Variants in RASGRF1 observed in about 807,000 individuals in gnomAD.
RASGRF1 encodes the protein Ras protein specific guanine nucleotide releasing factor 1.
Under a neutral mutation model 138.7 loss-of-function variants are expected in RASGRF1, and 40 were observed. The observed-to-expected ratio is 0.29, with a 90% CI of 0.22 to 0.38. RASGRF1 has a LOEUF of 0.38. RASGRF1 is among the 10% of genes least tolerant of loss of function. The pLI is 1.00. For synonymous variants in RASGRF1, 614 were observed against 663.2 expected, an observed-to-expected ratio of 0.93 and a Z score of 1.14; for missense variants, 1,108 against 1,650.4, an observed-to-expected ratio of 0.67 and a Z score of 5.69.
At chr15:78,972,261 A>C (rs2055776668) in intron 25 of RASGRF1, among the ~76,000 whole-genome samples, 1 of 151,658 alleles carries the variant, frequency 6.6e-6, no homozygotes, top group Admixed American at 6.6e-5. Flanking sequence ...ACGCCCGGCT[A>C]ATTTTTGTAT....
At chr15:78,982,850 C>T (rs767840877) in intron 23 of RASGRF1, among the ~76,000 whole-genome samples, 8 of 151,940 alleles carry the variant, frequency 5.3e-5, no homozygotes, top group East Asian at 3.9e-4. Flanking sequence ...ATTGTACTGT[C>T]GTATGGAAGA....
intron 5 of RASGRF1, among the ~76,000 whole-genome samples, chr15:79,040,019 C>T (rs760383728): frequency 8.5e-5 from 13 of 152,116 alleles, no homozygotes; most frequent in Non-Finnish European, 1.8e-4. Flanking sequence ...CCTTCTGCCT[C>T]GAAAGTGCAG....
At position 79,027,276 on chromosome 15, in the gene RASGRF1, G is replaced by C. The variant is rs528221169; in HGVS notation, c.1381+465C>G. On this transcript the variant is annotated intron_variant, in intron 9 of 26. Transcript: ENST00000558480. This position sits in a 1 kb window ranked among gnomAD's most constrained non-coding sequence, Gnocchi z 4.8. Reference sequence around the variant, plus strand: ...CTTGGGAAAGACCTTCTACCCATGAGAACCACTGTGAAAATGGTCTCTCCA... The same window carrying C: ...CTTGGGAAAGACCTTCTACCCATGACAACCACTGTGAAAATGGTCTCTCCA... 1.3e-5 allele frequency among the ~76,000 whole-genome samples: 2 copies of C among 152,204 alleles called. No individual in the cohort carries two copies. The highest frequency in any genetic ancestry group is 4.2e-4 in the South Asian group (2 of 4,816).
At chr15:79,081,047 A>C (rs2057907747) in intron 1 of RASGRF1, among the ~76,000 whole-genome samples, 1 of 152,256 alleles carries the variant, frequency 6.6e-6, no homozygotes, top group African/African-American at 2.4e-5. Context: ...ATCGTGAAAA[A>C]GACTTTGTAA....
intron 3 of RASGRF1, among the ~76,000 whole-genome samples, chr15:79,054,897 G>A (rs143516152): frequency 3.9e-4 from 59 of 152,334 alleles, no homozygotes; most frequent in African/African-American, 1.3e-3. Flanking sequence ...GAGGTGGCCA[G>A]GGAAACCCCT....
At chr15:79,012,396 T>C in intron 13 of RASGRF1, 2 of 938,992 alleles carry the variant, frequency 2.1e-6, no homozygotes, top group Non-Finnish European at 1.7e-6. Flanking sequence ...ACAGATTCCA[T>C]TTTACAGCAT....
chr15:78,996,967 C>T (rs2056407622), intron 19 of RASGRF1, among the ~76,000 whole-genome samples: 1 of 152,180 alleles, frequency 6.6e-6, no homozygotes, highest in African/African-American at 2.4e-5. Context: ...GGCCAGGGCC[C>T]AAGCCCTCAC....
At chr15:79,047,103 A>G in intron 4 of RASGRF1, 104 bp from the exon 5 acceptor site, 1 of 1,410,022 alleles carries the variant, frequency 7.1e-7, no homozygotes, top group South Asian at 1.3e-5. Flanking sequence ...AGGCTTTGTT[A>G]TTCCTACGCC....
At chr15:79,049,402 G>A in intron 4 of RASGRF1, 94 bp downstream of exon 4, 2 of 1,185,482 alleles carry the variant, frequency 1.7e-6, no homozygotes, top group Non-Finnish European at 2.5e-6. Flanking sequence ...CACGCTCTGA[G>A]GACAGTGGGG....
chr15:79,005,204 G>A, intron 14 of RASGRF1: 1 of 985,532 alleles, frequency 1.0e-6, no homozygotes, highest in Non-Finnish European at 1.2e-6. Flanking sequence ...GGTGGGGGCA[G>A]GAGGAGGGAA....
At chr15:79,036,030 A>C (rs534547157) in intron 5 of RASGRF1, among the ~76,000 whole-genome samples, 1 of 151,968 alleles carries the variant, frequency 6.6e-6, no homozygotes, top group South Asian at 2.1e-4. Context: ...CTTCCCCCCA[A>C]CCCGTTTTCC....
rs897109056 is a variant in RASGRF1, at chr15:79,004,146, T to C, written c.2105A>G (p.Gln702Arg). The C allele has an allele frequency of 1.3e-6, 2 of 1,594,766 alleles. No homozygotes were observed. Among genetic ancestry groups the C allele is most frequent in the African/African-American group, 2.7e-5 (2 of 74,414 alleles). Residue 702 changes from glutamine (Q) to arginine (R), a missense_variant, in exon 15 of 27, where the codon CAG becomes CGG. Transcript: ENST00000558480. Reference sequence around the variant, plus strand: ...TTCACCGTACAGGAGCTTATTGTTCTGGCCACTGGCAAACAGGAGCTCCAG... The same window carrying C: ...TTCACCGTACAGGAGCTTATTGTTCCGGCCACTGGCAAACAGGAGCTCCAG... ...RSLELLFASG[Q>R]NNKLLYGEPP...
Position 79,027,666 on chromosome 15 carries a change from C to T in RASGRF1, c.1381+75G>A. On this transcript the variant is annotated intron_variant, in intron 9 of 26. Coordinates refer to ENST00000558480, the MANE Select transcript of RASGRF1 (RefSeq NM_001145648.3). This position sits in a 1 kb window ranked among gnomAD's most constrained non-coding sequence, Gnocchi z 4.8. Reference sequence around the variant, plus strand: ...TGGCAGCCAAACCAACTGGTGGCGTCCCCGAGTGCCGCCTCCCTCCCGCTG... The same window carrying T: ...TGGCAGCCAAACCAACTGGTGGCGTTCCCGAGTGCCGCCTCCCTCCCGCTG... 2.2e-6 allele frequency: 3 copies of T among 1,381,054 alleles called. No homozygotes were observed. The highest frequency in any genetic ancestry group is 1.8e-5 in the Admixed American group (1 of 55,602). The allele number at this position is 1,381,054 out of a possible 1,614,324, so 85.5% of individuals were successfully genotyped here. A position where few individuals can be genotyped will look rare whatever the true frequency, so the allele number is the denominator to read the frequency against.
intron 13 of RASGRF1, among the ~76,000 whole-genome samples, chr15:79,010,949 C>A (rs2056784091): frequency 6.6e-6 from 1 of 152,220 alleles, no homozygotes; most frequent in Non-Finnish European, 1.5e-5. Context: ...GGGGCGTATA[C>A]CTTTGTCTTG....
rs7170672 is a variant in RASGRF1, at chr15:78,991,659, G to C, written c.3131+32C>G. 2,559 of 1,550,450 alleles carry C rather than the reference G, an allele frequency of 1.7e-3. 40 individuals are homozygous for C. The African/African-American group carries it at 0.029, about 17-fold the overall frequency. ...TGTCCAAGACAGTGCCTGAGGAAGC[G>C]GGGGGAGGCGGGTGGTGCCTGCAAC... On this transcript the variant is annotated intron_variant, in intron 21 of 26. Transcript: ENST00000558480.
At chr15:78,992,341 C>T (rs1305686971) in intron 20 of RASGRF1, among the ~76,000 whole-genome samples, 2 of 152,262 alleles carry the variant, frequency 1.3e-5, no homozygotes, top group Non-Finnish European at 2.9e-5. Context: ...GTCCGTGTCC[C>T]TGGCCCCCAG....
Position 79,032,254 on chromosome 15 carries a change from G to A in RASGRF1, c.1021C>T (p.Gln341Ter). ...NIYQEFVRNH[Q>*]YSLQILAHCK... The stretch of plus-strand genomic sequence containing the variant: ...TGGGCCAGGATCTGCAGGCTGTACT[G>A]GTGGTTGCGGACGAACTCTTGGTAG... The change falls in exon 7 of 27, where the codon CAG becomes TAG. Residue 341 changes from glutamine (Q) to a stop codon, truncating the protein, a stop_gained. Coordinates refer to ENST00000558480, the MANE Select transcript of RASGRF1 (RefSeq NM_001145648.3). LOFTEE classifies it high-confidence loss of function. This position sits in a 1 kb window ranked among gnomAD's most constrained non-coding sequence, Gnocchi z 4.5. 1 of 1,614,070 alleles carries A rather than the reference G, an allele frequency of 6.2e-7. No individual in the cohort carries two copies. Among genetic ancestry groups the A allele is most frequent in the Non-Finnish European group, 8.5e-7 (1 of 1,179,952 alleles).
chr15:79,046,720 C>T lies in RASGRF1; in HGVS notation c.878+26G>A. The stretch of plus-strand genomic sequence containing the variant: ...CAATGCTCACTAGTCTCCTTCCTGC[C>T]TTGGCCAACCTTTAGGGGTGCTCAC... On this transcript the variant is annotated intron_variant, in intron 5 of 26. Transcript: ENST00000558480. The surrounding 1 kb of genome is among the most constrained non-coding windows in gnomAD (Gnocchi z 5.3). 1 of 1,610,602 alleles carries T rather than the reference C, an allele frequency of 6.2e-7. No homozygotes were observed. The highest frequency in any genetic ancestry group is 1.3e-5 in the African/African-American group (1 of 75,026).
At position 78,973,749 on chromosome 15, in the gene RASGRF1, C is replaced by T. The variant is rs2055818419; in HGVS notation, c.3495-329G>A. ...TTCTGTCCCAGTCAGTCCCTGGGCT[C>T]TGTCACCAGCCCCTCTGGACTCACC... On this transcript the variant is annotated intron_variant, in intron 24 of 26. Coordinates refer to ENST00000558480, the MANE Select transcript of RASGRF1 (RefSeq NM_001145648.3). This position sits in a 1 kb window ranked among gnomAD's most constrained non-coding sequence, Gnocchi z 4.9. 6.6e-6 allele frequency among the ~76,000 whole-genome samples: 1 copy of T among 152,148 alleles called. No homozygotes were observed. The highest frequency in any genetic ancestry group is 2.4e-5 in the African/African-American group (1 of 41,430).
Sources: gnomAD v4.1 joint callset for allele counts (sites outside exome capture counted in the v4.1 genomes callset) on GRCh38, gnomAD v4.1.1 for gene constraint, Gnocchi (gnomAD v3.1) non-coding constraint, MANE v1.5 for transcripts, NCBI Gene and HGNC (gene_info 2026-07-23, HGNC 2026-07-21) for gene names.